The following ZNF740 variants were observed in gnomAD, a reference collection of about 807,000 sequenced individuals.
The protein encoded by ZNF740 is zinc finger protein 740, also known as oriLyt TD-element-binding protein 7.
A neutral mutation model predicts 24.8 loss-of-function variants in ZNF740; 14 were observed. The ratio of observed to expected loss-of-function variants is 0.56; its 90% CI spans 0.37 to 0.88. The LOEUF (loss-of-function observed/expected upper bound fraction) is 0.88. Among genes scored for constraint, ZNF740 ranks in the 40% least tolerant of loss-of-function variants. The pLI is 0.00. For synonymous variants in ZNF740, 69 were observed against 84.0 expected, an observed-to-expected ratio of 0.82 and a Z score of 0.98; for missense variants, 201 against 247.9, an observed-to-expected ratio of 0.81 and a Z score of 1.27.
Position 53,193,603 on chromosome 12 carries a change from G to T in ZNF740, c.*6013G>T. 9.7e-7 allele frequency: 1 copy of T among 1,027,714 alleles called. No homozygotes were observed. Among genetic ancestry groups the T allele is most frequent in the Non-Finnish European group, 1.4e-6 (1 of 709,780 alleles). 63.7% of individuals were successfully genotyped at this position (1,027,714 alleles called of 1,614,324 possible). On this transcript the variant is annotated 3_prime_UTR_variant, in exon 7 of 7. Coordinates refer to ENST00000416904, the MANE Select transcript of ZNF740 (RefSeq NM_001004304.4). Reference sequence around the variant, plus strand: ...ATGAAACTGAGTGGGGAGTCGGGATGTCGAGGAGACTCCTGTGGGGGGGAT... The same window carrying T: ...ATGAAACTGAGTGGGGAGTCGGGATTTCGAGGAGACTCCTGTGGGGGGGAT...
chr12:53,191,896 C>A lies in ZNF740; in HGVS notation c.*4306C>A. 6 of 1,612,966 alleles carry A rather than the reference C, an allele frequency of 3.7e-6. No individual in the cohort carries two copies. Among genetic ancestry groups the A allele is most frequent in the Non-Finnish European group, 5.1e-6 (6 of 1,180,004 alleles). The stretch of plus-strand genomic sequence containing the variant: ...GAGTTGTTGCTGCTCCTTCTCAAAG[C>A]GACTGTATTCCCGGCGGTCATAGAT... On this transcript the variant is annotated 3_prime_UTR_variant, in exon 7 of 7. Coordinates refer to ENST00000416904, the MANE Select transcript of ZNF740 (RefSeq NM_001004304.4).
At chr12:53,181,104 T>C in intron 1 of ZNF740, 1 of 947,216 alleles carries the variant, frequency 1.1e-6, no homozygotes, top group Non-Finnish European at 1.3e-6. Flanking sequence ...TTCTCGGCAC[T>C]CTCCGGCTCT....
chr12:53,192,077 G>A lies in ZNF740; in HGVS notation c.*4487G>A. 3 of 1,566,786 alleles carry A rather than the reference G, an allele frequency of 1.9e-6. No individual in the cohort carries two copies. The highest frequency in any genetic ancestry group is 2.6e-6 in the Non-Finnish European group (3 of 1,151,310). ...GCTGGAGCATAGGGACAGATCATCA[G>A]TTGCTCACAGTGTGTCCAGCCTGTC... On this transcript the variant is annotated 3_prime_UTR_variant, in exon 7 of 7. Coordinates refer to ENST00000416904, the MANE Select transcript of ZNF740 (RefSeq NM_001004304.4).
In ZNF740 at chr12:53,192,620, T is replaced by C. The variant is rs554556109; in HGVS notation, c.*5030T>C. On this transcript the variant is annotated 3_prime_UTR_variant, in exon 7 of 7. Transcript: ENST00000416904. Reference sequence around the variant, plus strand: ...GCCCAACTACAAGCAGGACGGAGAGTAGGCAGATGGGAGTAGCTCAACAAG... The same window carrying C: ...GCCCAACTACAAGCAGGACGGAGAGCAGGCAGATGGGAGTAGCTCAACAAG... 6.3e-7 allele frequency: 1 copy of C among 1,595,850 alleles called. No homozygotes were observed. Among genetic ancestry groups the C allele is most frequent in the African/African-American group, 1.3e-5 (1 of 74,576 alleles).
In ZNF740 at chr12:53,192,424, C is replaced by G; in HGVS notation, c.*4834C>G. ...GGTTGTCCAGGGTCCGCTCTTTGCA[C>G]CAGCCATCATCCAAGATAGGGGCCA... On this transcript the variant is annotated 3_prime_UTR_variant, in exon 7 of 7. Transcript: ENST00000416904. 1 of 1,614,122 alleles carries G rather than the reference C, an allele frequency of 6.2e-7. No homozygotes were observed. The highest frequency in any genetic ancestry group is 8.5e-7 in the Non-Finnish European group (1 of 1,180,040).
Position 53,192,281 on chromosome 12 carries a change from G to C in ZNF740, c.*4691G>C. ...CTTCACTCTGCATCCCCAGAGTTGA[G>C]ACCCTGCCCATCAAACTTCCAGGGT... On this transcript the variant is annotated 3_prime_UTR_variant, in exon 7 of 7. Coordinates refer to ENST00000416904, the MANE Select transcript of ZNF740 (RefSeq NM_001004304.4). The C allele has an allele frequency of 6.4e-7, 1 of 1,569,616 alleles. No individual in the cohort carries two copies.
chr12:53,191,766 G>T lies in ZNF740; in HGVS notation c.*4176G>T. On this transcript the variant is annotated 3_prime_UTR_variant, in exon 7 of 7. Transcript: ENST00000416904. The stretch of plus-strand genomic sequence containing the variant: ...GTTAGCAGAGGGGTTGGTTACATGT[G>T]CCAGGGGCTGGGGGAACCCAGTGGG... 6.4e-7 allele frequency: 1 copy of T among 1,567,038 alleles called. No homozygotes were observed. Among genetic ancestry groups the T allele is most frequent in the Non-Finnish European group, 8.8e-7 (1 of 1,139,408 alleles).
Position 53,192,210 on chromosome 12 carries a change from C to G in ZNF740, c.*4620C>G, listed in dbSNP as rs1418243730. On this transcript the variant is annotated 3_prime_UTR_variant, in exon 7 of 7. Coordinates refer to ENST00000416904, the MANE Select transcript of ZNF740 (RefSeq NM_001004304.4). ...CTTGCTCAATTGCCTCTGCCTTTGT[C>G]CTGGATTCACAGTTCTGCTTCAGCC... The G allele has an allele frequency of 1.6e-6, 2 of 1,266,162 alleles. No individual in the cohort carries two copies. The highest frequency in any genetic ancestry group is 2.2e-6 in the Non-Finnish European group (2 of 899,980). The allele number at this position is 1,266,162 out of a possible 1,614,324, so 78.4% of individuals were successfully genotyped here.
rs189072910 is a variant in ZNF740 at position 53,187,805 on chromosome 12, C to G, written c.*215C>G. 4.7e-3 allele frequency: 2,569 copies of G among 545,588 alleles called. 10 individuals carry two copies. The highest frequency in any genetic ancestry group is 6.7e-3 in the Non-Finnish European group (2,020 of 302,200). The allele number at this position is 545,588 out of a possible 1,614,324, so 33.8% of individuals were successfully genotyped here. A position where few individuals can be genotyped will look rare whatever the true frequency, so the allele number is the denominator to read the frequency against. ...TATGAGTATCTCGGGGAAGTTCTTA[C>G]AGCATTCCTGGGTAGGGGAGCTAGT... On this transcript the variant is annotated 3_prime_UTR_variant, in exon 7 of 7. Coordinates refer to ENST00000416904, the MANE Select transcript of ZNF740 (RefSeq NM_001004304.4).
Position 53,192,012 on chromosome 12 carries a change from T to TG in ZNF740, c.*4423dup. 1 of 1,611,384 alleles carries TG rather than the reference T, an allele frequency of 6.2e-7. No individual in the cohort carries two copies. Among genetic ancestry groups the TG allele is most frequent in the Non-Finnish European group, 8.5e-7 (1 of 1,178,720 alleles). ...CCAGCACAATGGCCTGCGTGTGGTC[T>TG]GCTCCCTCTGTGAACAAGAAACCAG... On this transcript the variant is annotated 3_prime_UTR_variant, in exon 7 of 7. Transcript: ENST00000416904.
At chr12:53,181,591 C>T (rs927088721) in intron 1 of ZNF740, 86 bp from the exon 2 acceptor site, 1 of 826,426 alleles carries the variant, frequency 1.2e-6, no homozygotes, top group Non-Finnish European at 1.5e-6. Context: ...ACAGAGAGCG[C>T]CCAGCAAAAA....
At chr12:53,185,918 T>G (rs1206440254) in intron 4 of ZNF740, 36 bp from the exon 5 acceptor site, 3 of 1,610,108 alleles carry the variant, frequency 1.9e-6, no homozygotes, top group East Asian at 2.2e-5. Flanking sequence ...AAGAGGGCAG[T>G]GGTGGCCTCA....
At position 53,186,086 on chromosome 12, in the gene ZNF740, CT is replaced by C. The variant is rs747699795; in HGVS notation, c.373+11del. ...CATCCTTATTCACACTGGTAAGTCT[CT>C]TGTTTATATTCAAAAGGGGGAGAAT... On this transcript the variant is annotated intron_variant, in intron 5 of 6. Coordinates refer to ENST00000416904, the MANE Select transcript of ZNF740 (RefSeq NM_001004304.4). 1 of 1,608,202 alleles carries C rather than the reference CT, an allele frequency of 6.2e-7. No homozygotes were observed. The highest frequency in any genetic ancestry group is 8.5e-7 in the Non-Finnish European group (1 of 1,175,416).
chr12:53,187,386 G>T, intron 6 of ZNF740, 115 bp from the exon 7 acceptor site: 1 of 818,868 alleles, frequency 1.2e-6, no homozygotes, highest in Non-Finnish European at 2.0e-6. Flanking sequence ...CCTGCTGTCT[G>T]TGCACGTGCT....
chr12:53,182,070 A>G, intron 2 of ZNF740, 78 bp downstream of exon 2: 2 of 1,559,746 alleles, frequency 1.3e-6, no homozygotes, highest in Admixed American at 3.8e-5. Flanking sequence ...TGCCTTAGTC[A>G]ACATATTGAC....
rs1941906095 is a variant in ZNF740, at chr12:53,190,269, G to T, written c.*2679G>T. On this transcript the variant is annotated 3_prime_UTR_variant, in exon 7 of 7. Coordinates refer to ENST00000416904, the MANE Select transcript of ZNF740 (RefSeq NM_001004304.4). ...GCCACTGACTCACACCGCTGCAGAG[G>T]CTCCTGGGCCCAATGCCCGACCCCT... 1 of 152,664 alleles carries T rather than the reference G, an allele frequency of 6.6e-6. No individual in the cohort carries two copies. The highest frequency in any genetic ancestry group is 1.5e-5 in the Non-Finnish European group (1 of 68,074). The allele number at this position is 152,664 out of a possible 1,614,324, so 9.5% of individuals were successfully genotyped here.
chr12:53,185,485 TG>T lies in ZNF740; in HGVS notation c.249+13del, dbSNP rs1305925055. 1 of 1,612,822 alleles carries T rather than the reference TG, an allele frequency of 6.2e-7. No individual in the cohort carries two copies. The highest frequency in any genetic ancestry group is 2.2e-5 in the East Asian group (1 of 44,894). On this transcript the variant is annotated intron_variant, in intron 4 of 6. Coordinates refer to ENST00000416904, the MANE Select transcript of ZNF740 (RefSeq NM_001004304.4). ...AAAAGACTGTTAAAAAGGCAGGTAA[TG>T]GGGTGATCCCCCAAACTCATACAGT...
At chr12:53,181,596 C>CAAA in intron 1 of ZNF740, 81 bp from the exon 2 acceptor site, 1 of 708,114 alleles carries the variant, frequency 1.4e-6, no homozygotes, top group Admixed American at 6.0e-5. Context: ...GAGCGCCCAG[C>CAAA]AAAAAAAAAA....
chr12:53,193,349 C>T lies in ZNF740; in HGVS notation c.*5759C>T, dbSNP rs765293487. On this transcript the variant is annotated 3_prime_UTR_variant, in exon 7 of 7. Coordinates refer to ENST00000416904, the MANE Select transcript of ZNF740 (RefSeq NM_001004304.4). ...AGAGCACTCACAGAGCCGACCTAGG[C>T]GGCCAGGGGCACAGCTGGAAGGGGA... The T allele has an allele frequency of 1.6e-5, 26 of 1,584,782 alleles. 1 individual carries two copies. Among genetic ancestry groups the T allele is most frequent in the South Asian group, 1.0e-4 (9 of 88,466 alleles).
Sources: allele counts gnomAD v4.1 joint callset, GRCh38; gene constraint gnomAD v4.1.1; transcripts MANE v1.5; gene names NCBI Gene and HGNC (gene_info 2026-07-23, HGNC 2026-07-21).